IQGAP2: variants seen among roughly 807,000 people sequenced by gnomAD.
IQGAP2 encodes ras GTPase-activating-like protein IQGAP2.
In IQGAP2, 173 loss-of-function variants were observed where a neutral mutation model predicts 201.3. The ratio of observed to expected loss-of-function variants is 0.86; its 90% CI spans 0.76 to 0.98. The LOEUF is 0.98. Ranked by LOEUF, IQGAP2 falls within the 50% of genes least tolerant of loss-of-function variation. The pLI, the probability that IQGAP2 is intolerant of heterozygous loss-of-function variation, is 0.00. For missense variants in IQGAP2, 1,687 were observed against 1,864.8 expected, an observed-to-expected ratio of 0.90 and a Z score of 1.76; for synonymous variants, 675 against 673.9, an observed-to-expected ratio of 1.00 and a Z score of -0.03.
chr5:76,703,692 A>G (rs1185995067), intron 35 of IQGAP2, among the ~76,000 whole-genome samples: 2 of 149,452 alleles, frequency 1.3e-5, no homozygotes, highest in African/African-American at 4.9e-5. Context: ...ACAAATGTTC[A>G]TCTGCCCCCA....
chr5:76,678,022 G>A (rs1398455844), intron 28 of IQGAP2, among the ~76,000 whole-genome samples: 11 of 152,104 alleles, frequency 7.2e-5, no homozygotes, highest in African/African-American at 1.7e-4. Flanking sequence ...GTTCTCATCC[G>A]CCAAAGCTAT....
intron 2 of IQGAP2, among the ~76,000 whole-genome samples, chr5:76,505,371 C>T (rs1757556268): frequency 1.3e-5 from 2 of 152,180 alleles, no homozygotes; most frequent in South Asian, 4.1e-4. Context: ...AACACCCAAG[C>T]CCAGGCTCTT....
chr5:76,665,696 G>T (rs1335436312), intron 22 of IQGAP2, among the ~76,000 whole-genome samples: 1 of 152,142 alleles, frequency 6.6e-6, no homozygotes, highest in Non-Finnish European at 1.5e-5. Flanking sequence ...TATTTTCATG[G>T]CATTACTATG....
At chr5:76,525,781 T>C (rs537278907) in intron 2 of IQGAP2, among the ~76,000 whole-genome samples, 71 of 152,236 alleles carry the variant, frequency 4.7e-4, no homozygotes, top group Non-Finnish European at 7.8e-4. Flanking sequence ...TGTGCTTTTT[T>C]ACTAACACAC....
chr5:76,570,515 AT>A (rs1193052133), intron 3 of IQGAP2, 64 bp from the exon 4 acceptor site: 10 of 1,067,312 alleles, frequency 9.4e-6, no homozygotes, highest in Non-Finnish European at 1.3e-5. Context: ...GAAAAAAGTT[AT>A]TGCAAATGAC....
chr5:76,465,450 T>C (rs1402120340), intron 2 of IQGAP2, among the ~76,000 whole-genome samples: 3 of 152,214 alleles, frequency 2.0e-5, no homozygotes, highest in Non-Finnish European at 4.4e-5. Flanking sequence ...AGTAACACCA[T>C]ACTCAGTGGT....
chr5:76,684,350 T>G (rs1486605927), intron 30 of IQGAP2, among the ~76,000 whole-genome samples: 1 of 152,222 alleles, frequency 6.6e-6, no homozygotes, highest in African/African-American at 2.4e-5. Flanking sequence ...TTATTGGCCT[T>G]CCTTCCTGTT....
intron 2 of IQGAP2, among the ~76,000 whole-genome samples, chr5:76,507,652 A>C (rs150062598): frequency 6.6e-6 from 1 of 152,264 alleles, no homozygotes; most frequent in African/African-American, 2.4e-5. Context: ...ATCTGATAAA[A>C]GACTGTTTTT....
At chr5:76,668,367 TATG>T (rs1332936966) in intron 22 of IQGAP2, among the ~76,000 whole-genome samples, 4 of 148,398 alleles carry the variant, frequency 2.7e-5, no homozygotes, top group Admixed American at 6.7e-5. Context: ...CTTCCTATAG[TATG>T]ATATGAATAA....
chr5:76,416,701 T>A (rs984003752), intron 1 of IQGAP2, among the ~76,000 whole-genome samples: 14 of 152,134 alleles, frequency 9.2e-5, no homozygotes, highest in African/African-American at 3.4e-4. Context: ...CTAATTTTTG[T>A]ATTACTAGTA....
chr5:76,631,166 T>C (rs916782924), intron 14 of IQGAP2, among the ~76,000 whole-genome samples: 1 of 152,198 alleles, frequency 6.6e-6, no homozygotes, highest in Non-Finnish European at 1.5e-5. Context: ...GTGAAAACTC[T>C]AGTCCTATCG....
At chr5:76,670,518 A>T (rs1311185471) in intron 23 of IQGAP2, among the ~76,000 whole-genome samples, 1 of 152,206 alleles carries the variant, frequency 6.6e-6, no homozygotes, top group Non-Finnish European at 1.5e-5. Context: ...CGTCTCAAAA[A>T]ATAAAATAAA....
chr5:76,410,993 G>C (rs185619810), intron 1 of IQGAP2, among the ~76,000 whole-genome samples: 2 of 152,160 alleles, frequency 1.3e-5, no homozygotes, highest in African/African-American at 2.4e-5. Context: ...TATATGCAGT[G>C]GTTTTCAAAG....
chr5:76,574,793 A>T (rs1745358418), intron 4 of IQGAP2, among the ~76,000 whole-genome samples: 1 of 152,224 alleles, frequency 6.6e-6, no homozygotes, highest in South Asian at 2.1e-4. Flanking sequence ...TTAGATGATT[A>T]TCCAAAATAA....
intron 28 of IQGAP2, among the ~76,000 whole-genome samples, chr5:76,681,833 G>A (rs1745330560): frequency 2.0e-5 from 3 of 152,126 alleles, no homozygotes; most frequent in African/African-American, 4.8e-5. Context: ...ACAGCCAAGC[G>A]TCTATCACTA....
At chr5:76,675,176 A>G (rs1321007079) in intron 27 of IQGAP2, among the ~76,000 whole-genome samples, 2 of 152,212 alleles carry the variant, frequency 1.3e-5, no homozygotes, top group African/African-American at 4.8e-5. Context: ...CTATTTATAT[A>G]TGGATTTTTT....
At chr5:76,599,842 C>A (rs1014218725) in intron 10 of IQGAP2, among the ~76,000 whole-genome samples, 3 of 151,900 alleles carry the variant, frequency 2.0e-5, no homozygotes, top group Non-Finnish European at 4.4e-5. Context: ...TATGTCCCTT[C>A]AATATGATGA....
At chr5:76,617,539 A>T (rs1431917632) in intron 13 of IQGAP2, 1 of 1,479,764 alleles carries the variant, frequency 6.8e-7, no homozygotes, top group South Asian at 1.3e-5. Context: ...TTGAAAACAG[A>T]CGTTCTCTGT....
At chr5:76,664,905 A>G in intron 21 of IQGAP2, 121 bp from the exon 22 acceptor site, 1 of 641,700 alleles carries the variant, frequency 1.6e-6, no homozygotes, top group Non-Finnish European at 2.7e-6. Flanking sequence ...CAGTAAAGCA[A>G]TGCACAATAC....
Sources: gnomAD v4.1 joint callset for allele counts (sites outside exome capture counted in the v4.1 genomes callset) on GRCh38, gnomAD v4.1.1 for gene constraint, MANE v1.5 for transcripts, NCBI Gene and HGNC (gene_info 2026-07-23, HGNC 2026-07-21) for gene names.